The following MBD5 variants were observed in gnomAD, a reference collection of about 807,000 sequenced individuals.
MBD5 encodes the protein methyl-CpG binding domain protein 5.
Under a neutral mutation model 117.3 loss-of-function variants are expected in MBD5, and 13 were observed. The observed-to-expected ratio is 0.11, with a 90% CI of 0.07 to 0.18. The LOEUF (loss-of-function observed/expected upper bound fraction) is 0.18. MBD5 is among the 10% of genes least tolerant of loss of function. The pLI is 1.00. For missense variants in MBD5, 1,879 were observed against 2,093.8 expected, an observed-to-expected ratio of 0.90 and a Z score of 2.00; for synonymous variants, 727 against 766.4, an observed-to-expected ratio of 0.95 and a Z score of 0.85.
At chr2:148,032,466 A>C (rs1224330019) in intron 1 of MBD5, among the ~76,000 whole-genome samples, 1 of 152,124 alleles carries the variant, frequency 6.6e-6, no homozygotes, top group African/African-American at 2.4e-5. Flanking sequence ...AAGATGAAGA[A>C]AAGAGTTTTC....
intron 4 of MBD5, among the ~76,000 whole-genome samples, chr2:148,351,920 A>G (rs945576556): frequency 2.6e-5 from 4 of 152,026 alleles, no homozygotes; most frequent in Non-Finnish European, 4.4e-5. Flanking sequence ...TCTGCAACCT[A>G]TGTGTTTAGT....
At chr2:148,446,249 G>A (rs1344432496) in intron 4 of MBD5, among the ~76,000 whole-genome samples, 1 of 151,820 alleles carries the variant, frequency 6.6e-6, no homozygotes. Context: ...TTTCTTCTAG[G>A]GTTTTTATGG....
At chr2:148,376,811 TA>T (rs939040928) in intron 4 of MBD5, among the ~76,000 whole-genome samples, 6 of 103,228 alleles carry the variant, frequency 5.8e-5, no homozygotes, top group African/African-American at 2.2e-4. Context: ...TATATAATAT[TA>T]TAATTTATAT....
At chr2:148,441,208 A>G (rs976006260) in intron 4 of MBD5, among the ~76,000 whole-genome samples, 23 of 151,862 alleles carry the variant, frequency 1.5e-4, no homozygotes, top group Non-Finnish European at 2.9e-4. Flanking sequence ...GCACCCATTA[A>G]CTCGTCATTT....
intron 1 of MBD5, among the ~76,000 whole-genome samples, chr2:148,088,145 C>T (rs750238763): frequency 2.0e-5 from 3 of 151,828 alleles, no homozygotes; most frequent in Non-Finnish European, 2.9e-5. Context: ...TTTGAATTAA[C>T]CCAATGAGAC....
chr2:148,482,985 T>C, intron 8 of MBD5, 125 bp from the exon 9 acceptor site: 1 of 1,028,466 alleles, frequency 9.7e-7, no homozygotes, highest in Non-Finnish European at 1.4e-6. Context: ...TTAATCTAGT[T>C]ACAATCAATG....
chr2:148,219,283 G>A (rs1180437157), intron 2 of MBD5, among the ~76,000 whole-genome samples: 1 of 152,046 alleles, frequency 6.6e-6, no homozygotes, highest in Admixed American at 6.6e-5. Flanking sequence ...GGATCTCAGG[G>A]GCAGTAACCC....
At chr2:148,245,246 G>A (rs905985721) in intron 3 of MBD5, among the ~76,000 whole-genome samples, 10 of 151,444 alleles carry the variant, frequency 6.6e-5, no homozygotes, top group African/African-American at 2.4e-4. Context: ...TATTTTTTAA[G>A]ACAGAGTCTC....
intron 1 of MBD5, among the ~76,000 whole-genome samples, chr2:148,149,274 A>C (rs1289633154): frequency 3.7e-5 from 5 of 135,338 alleles, no homozygotes; most frequent in South Asian, 2.7e-4. Context: ...TGAACTCATC[A>C]TTTTTTATGG....
At chr2:148,029,571 A>G (rs1693982392) in intron 1 of MBD5, among the ~76,000 whole-genome samples, 1 of 152,138 alleles carries the variant, frequency 6.6e-6, no homozygotes, top group Admixed American at 6.5e-5. Flanking sequence ...ATTTTGGTAA[A>G]TTGTTTTAGA....
intron 3 of MBD5, among the ~76,000 whole-genome samples, chr2:148,295,485 G>C (rs1701627315): frequency 6.6e-6 from 1 of 151,864 alleles, no homozygotes; most frequent in Non-Finnish European, 1.5e-5. Flanking sequence ...TTGAAAAATT[G>C]GTGTTTGATT....
chr2:148,248,825 A>G (rs2106233411), intron 3 of MBD5, among the ~76,000 whole-genome samples: 1 of 152,234 alleles, frequency 6.6e-6, no homozygotes, highest in Admixed American at 6.5e-5. Context: ...GCTTAGAAAC[A>G]TCTATCTATA....
chr2:148,312,331 G>A (rs918172133), intron 3 of MBD5, among the ~76,000 whole-genome samples: 9 of 152,118 alleles, frequency 5.9e-5, no homozygotes, highest in Non-Finnish European at 1.2e-4. Flanking sequence ...CATATTTCTT[G>A]GAGGCTTTGT....
intron 4 of MBD5, among the ~76,000 whole-genome samples, chr2:148,388,225 G>A (rs190929112): frequency 6.6e-6 from 1 of 152,272 alleles, no homozygotes; most frequent in African/African-American, 2.4e-5. Flanking sequence ...TTAGGAGAAT[G>A]CAATTGAAAA....
intron 1 of MBD5, among the ~76,000 whole-genome samples, chr2:148,074,182 A>G (rs930797936): frequency 1.6e-4 from 24 of 152,178 alleles, no homozygotes; most frequent in African/African-American, 5.3e-4. Flanking sequence ...TTTGACTTCT[A>G]TGAAGCAGCA....
At chr2:148,288,427 C>G (rs1701419207) in intron 3 of MBD5, among the ~76,000 whole-genome samples, 1 of 142,734 alleles carries the variant, frequency 7.0e-6, no homozygotes, top group Non-Finnish European at 1.5e-5. Context: ...GATTTCTTCA[C>G]AGTAATAAGA....
At chr2:148,421,114 C>A (rs1705590567) in intron 4 of MBD5, among the ~76,000 whole-genome samples, 1 of 152,138 alleles carries the variant, frequency 6.6e-6, no homozygotes, top group Admixed American at 6.6e-5. Context: ...TTTAATACTG[C>A]CTGTGAGAGG....
At chr2:148,299,491 C>T (rs1239694817) in intron 3 of MBD5, among the ~76,000 whole-genome samples, 3 of 152,142 alleles carry the variant, frequency 2.0e-5, no homozygotes, top group African/African-American at 7.2e-5. Context: ...CTTCTTTGCT[C>T]CTGCAACCCT....
chr2:148,374,257 A>T (rs1461791851), intron 4 of MBD5, among the ~76,000 whole-genome samples: 1 of 151,526 alleles, frequency 6.6e-6, no homozygotes, highest in Non-Finnish European at 1.5e-5. Flanking sequence ...ACACACACAC[A>T]CACACACACA....
Sources: gnomAD v4.1 joint callset for allele counts (sites outside exome capture counted in the v4.1 genomes callset) on GRCh38, gnomAD v4.1.1 for gene constraint, MANE v1.5 for transcripts, NCBI Gene and HGNC (gene_info 2026-07-23, HGNC 2026-07-21) for gene names.